The following MEGF11 variants were observed in gnomAD, a reference collection of about 807,000 sequenced individuals.
The protein encoded by MEGF11 is multiple epidermal growth factor-like domains protein 11.
In MEGF11, 126 loss-of-function variants were observed where a neutral mutation model predicts 146.6. That is an observed-to-expected ratio of 0.86 (90% CI 0.74 to 1.00). The LOEUF is 1.00. Ranked by LOEUF, MEGF11 falls within the 50% of genes least tolerant of loss-of-function variation. The pLI, the probability that MEGF11 is intolerant of heterozygous loss-of-function variation, is 0.00. For synonymous variants in MEGF11, 532 were observed against 583.4 expected (o/e 0.91, Z 1.27); for missense variants, 1,509 against 1,521.2 (o/e 0.99, Z 0.13).
intron 3 of MEGF11, among the ~76,000 whole-genome samples, chr15:66,122,840 A>G (rs1029294889): frequency 3.3e-5 from 5 of 152,166 alleles, no homozygotes; most frequent in Middle Eastern, 6.8e-3. Flanking sequence ...GTGCAGTGGC[A>G]TGATCTCGGC....
chr15:66,230,136 C>T (rs12915058), intron 1 of MEGF11, among the ~76,000 whole-genome samples: 42,169 of 152,012 alleles, frequency 0.28, 6,238 homozygotes, highest in Non-Finnish European at 0.35. Flanking sequence ...CAGCTGCCTC[C>T]GAGCCCAGGC....
chr15:66,248,535 T>C (rs7165111), intron 1 of MEGF11, among the ~76,000 whole-genome samples: 24,452 of 152,220 alleles, frequency 0.16, 3,142 homozygotes, highest in African/African-American at 0.35. Context: ...ATCTTCCCCT[T>C]GCTCACCAGG....
At chr15:66,120,449 C>T (rs1418228129) in intron 3 of MEGF11, among the ~76,000 whole-genome samples, 4 of 152,190 alleles carry the variant, frequency 2.6e-5, no homozygotes, top group Non-Finnish European at 2.9e-5. Flanking sequence ...GCCCTGTGGA[C>T]TCTTCCTCAG....
intron 5 of MEGF11, among the ~76,000 whole-genome samples, chr15:66,000,488 C>T (rs1305711662): frequency 6.6e-6 from 1 of 151,880 alleles, no homozygotes; most frequent in Non-Finnish European, 1.5e-5. Context: ...GCTATAACTG[C>T]ACCACTGCAG....
intron 5 of MEGF11, among the ~76,000 whole-genome samples, chr15:66,069,482 G>A (rs1222436144): frequency 6.6e-6 from 1 of 152,178 alleles, no homozygotes; most frequent in Non-Finnish European, 1.5e-5. Context: ...CTGTAAAGAA[G>A]GTACTGTTAG....
At chr15:65,965,600 C>CTTTCTTTCTTTCT (rs1555456992) in intron 8 of MEGF11, among the ~76,000 whole-genome samples, 1 of 18,878 alleles carries the variant, frequency 5.3e-5, no homozygotes, top group Non-Finnish European at 9.0e-5. Context: ...TTCTTTCTTT[C>CTTTCTTTCTTTCT]TTTTTTTTTT....
Position 65,936,303 on chromosome 15 carries a change from C to T in MEGF11, c.1288-5360G>A, listed in dbSNP as rs146098767. Among the ~76,000 whole-genome samples the T allele has an allele frequency of 2.1e-3, 323 of 152,290 alleles. 1 individual carries two copies. Among genetic ancestry groups the T allele is most frequent in the African/African-American group, 7.5e-3 (310 of 41,568 alleles). On this transcript the variant is annotated intron_variant, in intron 10 of 25. Coordinates refer to ENST00000395614, the MANE Select transcript of MEGF11 (RefSeq NM_001385028.1). ...GTTGTGGTTGGCTCAGTGCCTTCCTCCACCTTAGGCCTGTGAGCTCCGTGG... is the reference window on the plus strand; with the variant it reads ...GTTGTGGTTGGCTCAGTGCCTTCCTTCACCTTAGGCCTGTGAGCTCCGTGG...
chr15:66,065,126 G>A (rs2085069429), intron 5 of MEGF11, among the ~76,000 whole-genome samples: 1 of 152,174 alleles, frequency 6.6e-6, no homozygotes, highest in Non-Finnish European at 1.5e-5. Context: ...GCCACGGGTG[G>A]GGCAGGAGGG....
intron 1 of MEGF11, among the ~76,000 whole-genome samples, chr15:66,250,743 C>A (rs1404381517): frequency 6.6e-6 from 1 of 152,076 alleles, no homozygotes; most frequent in Non-Finnish European, 1.5e-5. Flanking sequence ...CCCATCTCTA[C>A]TAAAAATACA....
intron 1 of MEGF11, among the ~76,000 whole-genome samples, chr15:66,215,709 G>A (rs766226989): frequency 2.6e-5 from 4 of 152,286 alleles, no homozygotes; most frequent in Non-Finnish European, 4.4e-5. Context: ...AGACCAGTGG[G>A]TTGGGATAAA....
chr15:66,081,843 T>C (rs1374863251), intron 5 of MEGF11, among the ~76,000 whole-genome samples: 1 of 152,214 alleles, frequency 6.6e-6, no homozygotes, highest in East Asian at 1.9e-4. Flanking sequence ...GAAACCCTAA[T>C]CCCCAATGTA....
At chr15:66,115,720 A>C (rs2087692252) in intron 4 of MEGF11, among the ~76,000 whole-genome samples, 1 of 152,238 alleles carries the variant, frequency 6.6e-6, no homozygotes, top group Non-Finnish European at 1.5e-5. Flanking sequence ...AATCAAGTTA[A>C]AATGAGGTCA....
chr15:66,247,738 TA>T (rs534944896), intron 1 of MEGF11, among the ~76,000 whole-genome samples: 164 of 151,776 alleles, frequency 1.1e-3, no homozygotes, highest in African/African-American at 3.7e-3. Context: ...GAGAGCCCTT[TA>T]AAAAAAAGAT....
chr15:66,140,543 T>A (rs2089095682), intron 1 of MEGF11, among the ~76,000 whole-genome samples: 2 of 152,156 alleles, frequency 1.3e-5, no homozygotes, highest in East Asian at 3.8e-4. Context: ...TTGCACCAAG[T>A]CCAAACCATG....
chr15:66,108,123 T>A (rs2087188751), intron 4 of MEGF11, among the ~76,000 whole-genome samples: 1 of 152,192 alleles, frequency 6.6e-6, no homozygotes, highest in Non-Finnish European at 1.5e-5. Flanking sequence ...TGTGGAGAAC[T>A]CAGGCAGCTG....
At chr15:66,154,716 G>C (rs1194405638) in intron 1 of MEGF11, among the ~76,000 whole-genome samples, 1 of 152,222 alleles carries the variant, frequency 6.6e-6, no homozygotes, top group Non-Finnish European at 1.5e-5. Flanking sequence ...CTGGGTGGTA[G>C]TCAAAATCTT....
intron 5 of MEGF11, among the ~76,000 whole-genome samples, chr15:66,047,049 C>A (rs1312215112): frequency 6.6e-6 from 1 of 152,216 alleles, no homozygotes; most frequent in Non-Finnish European, 1.5e-5. Flanking sequence ...CACCTCTCAG[C>A]AGATTCTGAA....
At chr15:66,059,319 A>T (rs1317912173) in intron 5 of MEGF11, among the ~76,000 whole-genome samples, 1 of 152,180 alleles carries the variant, frequency 6.6e-6, no homozygotes, top group Non-Finnish European at 1.5e-5. Flanking sequence ...TGCCAGGCTC[A>T]TTAGAGCCCC....
chr15:66,065,148 T>C (rs931015234), intron 5 of MEGF11, among the ~76,000 whole-genome samples: 1 of 152,100 alleles, frequency 6.6e-6, no homozygotes, highest in Non-Finnish European at 1.5e-5. Flanking sequence ...GATGCACCCA[T>C]TGTCAGAGCA....
Sources: allele counts gnomAD v4.1 joint callset (sites outside exome capture counted in the v4.1 genomes callset), GRCh38; gene constraint gnomAD v4.1.1; transcripts MANE v1.5; gene names NCBI Gene and HGNC (gene_info 2026-07-23, HGNC 2026-07-21).